Variants in SLC11A2 observed in about 807,000 individuals in gnomAD.
SLC11A2 encodes natural resistance-associated macrophage protein 2.
SLC11A2 carries 38 observed loss-of-function variants against 68.0 expected under a neutral mutation model. That is an observed-to-expected ratio of 0.56 (90% CI 0.43 to 0.73). The LOEUF (loss-of-function observed/expected upper bound fraction) is 0.73. SLC11A2 is among the 30% of genes least tolerant of loss of function. SLC11A2 has a pLI of 0.00. For missense variants in SLC11A2, 517 were observed against 690.5 expected (o/e 0.75, Z 2.82); for synonymous variants, 242 against 250.6 (o/e 0.97, Z 0.32).
chr12:50,960,994 T>C, the SLC11A2 span: 3 of 1,602,442 alleles, frequency 1.9e-6, no homozygotes, highest in Non-Finnish European at 2.6e-6. Context: ...GACTGTGGTG[T>C]CCTGTGGTCT....
chr12:50,994,676 G>A (rs1264558718), intron 10 of SLC11A2, 46 bp from the exon 11 acceptor site: 2 of 1,138,606 alleles, frequency 1.8e-6, no homozygotes, highest in Non-Finnish European at 2.7e-6. Context: ...TCAGAAGCAA[G>A]GACCAAATAA....
chr12:51,027,320 C>A (rs934924653), upstream of SLC11A2, among the ~76,000 whole-genome samples: 1 of 151,960 alleles, frequency 6.6e-6, no homozygotes, highest in Non-Finnish European at 1.5e-5. Context: ...GCCTGGGTGG[C>A]AGAGCAAAAC....
intron 3 of SLC11A2, chr12:51,005,679 T>A (rs760685889): frequency 7.5e-7 from 1 of 1,336,866 alleles, no homozygotes; most frequent in South Asian, 1.2e-5. Context: ...CCTCTTATTC[T>A]AAAACCAGAA....
intron 1 of SLC11A2, among the ~76,000 whole-genome samples, chr12:51,018,999 T>A (rs1943859853): frequency 6.6e-6 from 1 of 152,050 alleles, no homozygotes; most frequent in South Asian, 2.1e-4. Context: ...AAGACAACAT[T>A]AAATAGGAAA....
chr12:50,965,125 G>GT, the SLC11A2 span, among the ~76,000 whole-genome samples: 1 of 151,726 alleles, frequency 6.6e-6, no homozygotes, highest in Non-Finnish European at 1.5e-5. Flanking sequence ...TTTTGTTTTT[G>GT]TTTTTTGAGA....
downstream of SLC11A2, among the ~76,000 whole-genome samples, chr12:50,977,419 G>C (rs534867986): frequency 1.3e-5 from 2 of 152,290 alleles, no homozygotes; most frequent in South Asian, 4.2e-4. Flanking sequence ...TTAACAAATG[G>C]TGCTGGGAAA....
chr12:51,014,919 G>A (rs1203402578), intron 1 of SLC11A2, among the ~76,000 whole-genome samples: 2 of 151,972 alleles, frequency 1.3e-5, no homozygotes, highest in Non-Finnish European at 2.9e-5. Context: ...TCATCACTTC[G>A]GGAGGCTGAG....
intron 1 of SLC11A2, among the ~76,000 whole-genome samples, chr12:51,016,898 G>A (rs950922254): frequency 6.9e-6 from 1 of 145,690 alleles, no homozygotes; most frequent in African/African-American, 2.5e-5. Context: ...GTGGGCGTCT[G>A]TAGTCCCGGG....
In SLC11A2 at chr12:51,005,418, G is replaced by C; in HGVS notation, c.202C>G (p.Arg68Gly). The change falls in exon 4 of 16, where the codon CGT (arginine) becomes GGT (glycine). Residue 68 changes from arginine (R) to glycine (G), a missense_variant. By Grantham distance (125) the Arg-to-Gly change is moderately radical. Coordinates refer to ENST00000262052, the MANE Select transcript of SLC11A2 (RefSeq NM_000617.3). ...GGTCCGGTGAAAGCCCAGAGTTTAC[G>C]AAAGCTAAAACAAGAGTACTGTACA... ...PEEEYSCFSF[R>G]KLWAFTGPGF... 6.2e-7 allele frequency: 1 copy of C among 1,613,832 alleles called. No individual in the cohort carries two copies. The highest frequency in any genetic ancestry group is 8.5e-7 in the Non-Finnish European group (1 of 1,179,880).
At chr12:50,978,133 C>T (rs923239337), downstream of SLC11A2, among the ~76,000 whole-genome samples, 6 of 152,060 alleles carry the variant, frequency 3.9e-5, no homozygotes, top group African/African-American at 1.2e-4. Context: ...CCAGCCATCC[C>T]ATTACTGGGT....
At chr12:50,971,883 C>G in the SLC11A2 span, among the ~76,000 whole-genome samples, 2 of 152,158 alleles carry the variant, frequency 1.3e-5, no homozygotes, top group Non-Finnish European at 2.9e-5. Context: ...TGGATATTAA[C>G]CTAGTGTTCT....
chr12:51,010,084 T>C (rs1176290868), intron 2 of SLC11A2, among the ~76,000 whole-genome samples: 1 of 151,806 alleles, frequency 6.6e-6, no homozygotes, highest in East Asian at 1.9e-4. Flanking sequence ...CTCGTGATGC[T>C]GAGGCAGGAG....
At chr12:50,981,506 C>T, downstream of SLC11A2, 1 of 457,532 alleles carries the variant, frequency 2.2e-6, no homozygotes, top group Non-Finnish European at 4.0e-6. Flanking sequence ...AGAGGCCAAT[C>T]GTTTAACTCT....
At chr12:51,015,066 G>A (rs1005006904) in intron 1 of SLC11A2, among the ~76,000 whole-genome samples, 1 of 150,610 alleles carries the variant, frequency 6.6e-6, no homozygotes, top group East Asian at 1.9e-4. Flanking sequence ...ACGCTAAAGC[G>A]GGAGAATCGC....
chr12:50,959,252 TG>T, the SLC11A2 span, among the ~76,000 whole-genome samples: 1 of 151,858 alleles, frequency 6.6e-6, no homozygotes, highest in Non-Finnish European at 1.5e-5. Context: ...CCTGAGTAGC[TG>T]GGATTACAGG....
At chr12:50,984,625 G>A (rs2630362), downstream of SLC11A2, among the ~76,000 whole-genome samples, 138,486 of 152,224 alleles carry the variant, frequency 0.91, 63,301 homozygotes, top group East Asian at 0.98. Flanking sequence ...AAATACTTCC[G>A]GGGGCAGAGA....
At chr12:50,984,889 C>T (rs751902209), downstream of SLC11A2, among the ~76,000 whole-genome samples, 5 of 152,108 alleles carry the variant, frequency 3.3e-5, no homozygotes, top group Non-Finnish European at 7.4e-5. Context: ...TGGTGACAAC[C>T]CAACATGAAG....
chr12:50,994,012 A>AAAAAAG (rs1941455138), intron 11 of SLC11A2, among the ~76,000 whole-genome samples: 1 of 149,890 alleles, frequency 6.7e-6, no homozygotes, highest in African/African-American at 2.5e-5. Context: ...AAAAAAAAAA[A>AAAAAAG]AAAAAGCTGG....
chr12:50,997,116 C>A, intron 8 of SLC11A2, 144 bp from the exon 9 acceptor site: 1 of 717,110 alleles, frequency 1.4e-6, no homozygotes, highest in Non-Finnish European at 2.4e-6. Context: ...CTTGCTCTGT[C>A]ACCCAGGCTG....
Sources: gnomAD v4.1 joint callset for allele counts (sites outside exome capture counted in the v4.1 genomes callset) on GRCh38, gnomAD v4.1.1 for gene constraint, MANE v1.5 for transcripts, NCBI Gene and HGNC (gene_info 2026-07-23, HGNC 2026-07-21) for gene names.